Variants in STX8 observed in about 807,000 individuals in gnomAD.
STX8 encodes the protein syntaxin 8.
In STX8, 23 loss-of-function variants were observed where a neutral mutation model predicts 37.5. That is an observed-to-expected ratio of 0.61 (90% CI 0.44 to 0.87). The LOEUF is 0.87. Among genes scored for constraint, STX8 ranks in the 40% least tolerant of loss-of-function variants. The pLI is 0.00. For missense variants in STX8, 313 were observed against 284.7 expected (o/e 1.10, Z -0.71); for synonymous variants, 115 against 99.1 (o/e 1.16, Z -0.95).
At chr17:9,277,064 C>T (rs758088418) in intron 7 of STX8, among the ~76,000 whole-genome samples, 5 of 152,120 alleles carry the variant, frequency 3.3e-5, no homozygotes, top group Admixed American at 6.5e-5. Context: ...CCTCCTGCCT[C>T]AGCCTCTGGA....
chr17:9,348,766 C>T (rs17741540), intron 7 of STX8, among the ~76,000 whole-genome samples: 15,397 of 152,180 alleles, frequency 0.1, 837 homozygotes, highest in Middle Eastern at 0.18. Context: ...CTCAAGTTCA[C>T]GAAGTTTTCC....
chr17:9,338,048 AT>A lies in STX8; in HGVS notation c.643+40503del, dbSNP rs972471091. ...GAGGGCTTTGGGGCACCTCTGAAGGATTTTTTTTTTTTTTTTTTTTTTGAGA... is the reference window on the plus strand; with the variant it reads ...GAGGGCTTTGGGGCACCTCTGAAGGATTTTTTTTTTTTTTTTTTTTTGAGA... On this transcript the variant is annotated intron_variant, in intron 7 of 7. Transcript: ENST00000306357. Among the ~76,000 whole-genome samples, 420 of 107,874 alleles carry A rather than the reference AT, an allele frequency of 3.9e-3. 1 individual carries two copies. Among genetic ancestry groups the A allele is most frequent in the East Asian group, 0.017 (61 of 3,506 alleles). The allele number at this position is 107,874 out of a possible 152,430, so 70.8% of individuals were successfully genotyped here.
rs369614117 is a variant in STX8 at position 9,415,898 on chromosome 17, C to T, written c.542-37245G>A. Among the ~76,000 whole-genome samples the T allele has an allele frequency of 1.3e-3, 201 of 152,330 alleles. 2 individuals are homozygous for T. Among genetic ancestry groups the T allele is most frequent in the African/African-American group, 4.6e-3 (193 of 41,574 alleles). On this transcript the variant is annotated intron_variant, in intron 6 of 7. Coordinates refer to ENST00000306357, the MANE Select transcript of STX8 (RefSeq NM_004853.3). The stretch of plus-strand genomic sequence containing the variant: ...ACAAATCCCAAAATAACATACTAAC[C>T]CATTTCCAGCTTCTATGCTGGCATC...
At chr17:9,317,269 A>T (rs1333180451) in intron 7 of STX8, among the ~76,000 whole-genome samples, 2 of 152,194 alleles carry the variant, frequency 1.3e-5, no homozygotes, top group African/African-American at 4.8e-5. Context: ...AGGAAGTAGT[A>T]CGGCCTAGAA....
intron 6 of STX8, among the ~76,000 whole-genome samples, chr17:9,403,110 T>C (rs9894384): frequency 0.012 from 1,807 of 152,032 alleles, 41 homozygotes; most frequent in African/African-American, 0.041. Flanking sequence ...TCCATAAGAG[T>C]CTGTCCAGAC....
chr17:9,367,497 C>A (rs1911265089), intron 7 of STX8, among the ~76,000 whole-genome samples: 1 of 152,130 alleles, frequency 6.6e-6, no homozygotes, highest in Non-Finnish European at 1.5e-5. Flanking sequence ...CCAGAGTCTG[C>A]CTCTGATTCT....
intron 6 of STX8, among the ~76,000 whole-genome samples, chr17:9,455,291 A>G (rs1390719296): frequency 6.6e-6 from 1 of 152,066 alleles, no homozygotes; most frequent in Non-Finnish European, 1.5e-5. Context: ...TGAGGTCAGG[A>G]GATTGAAACC....
chr17:9,519,731 TG>T, intron 4 of STX8, among the ~76,000 whole-genome samples: 1 of 133,004 alleles, frequency 7.5e-6, no homozygotes, highest in Non-Finnish European at 1.6e-5. Flanking sequence ...CCCTCCAGAC[TG>T]CTCCCCACCG....
chr17:9,527,710 C>A (rs1268275586), intron 4 of STX8, among the ~76,000 whole-genome samples: 1 of 152,102 alleles, frequency 6.6e-6, no homozygotes, highest in African/African-American at 2.4e-5. Flanking sequence ...AAAACAAAAT[C>A]CATCAAGTTC....
intron 6 of STX8, among the ~76,000 whole-genome samples, chr17:9,408,190 T>TA (rs1353234039): frequency 3.9e-5 from 6 of 152,188 alleles, no homozygotes; most frequent in Middle Eastern, 3.4e-3. Context: ...TTGGGCAAGA[T>TA]AAAAAAATCA....
At chr17:9,268,571 A>T (rs905429079) in intron 7 of STX8, among the ~76,000 whole-genome samples, 1 of 152,106 alleles carries the variant, frequency 6.6e-6, no homozygotes, top group Admixed American at 6.5e-5. Flanking sequence ...CACCCTAAAG[A>T]CGTCCTCCTG....
intron 6 of STX8, among the ~76,000 whole-genome samples, chr17:9,426,333 C>A (rs1913628081): frequency 6.6e-6 from 1 of 152,062 alleles, no homozygotes; most frequent in African/African-American, 2.4e-5. Context: ...TTGAGACCAG[C>A]CTGGCCAACA....
intron 6 of STX8, among the ~76,000 whole-genome samples, chr17:9,466,863 T>C (rs1483334695): frequency 6.6e-6 from 1 of 152,150 alleles, no homozygotes. Context: ...GCGTTTACTA[T>C]ACACTAGGTG....
chr17:9,427,372 C>A (rs552192623), intron 6 of STX8, among the ~76,000 whole-genome samples: 30 of 152,204 alleles, frequency 2.0e-4, no homozygotes, highest in Non-Finnish European at 4.1e-4. Flanking sequence ...AGGCAGTCAC[C>A]TGGGCATCCT....
rs201364333 is a variant in STX8 at position 9,342,962 on chromosome 17, A to G, written c.643+35590T>C. ...CCTGAACCCGGGAGGCGGAGGTTGC[A>G]GTGAGCCAAGATTGTGCCATTGCAC... is the stretch of plus-strand genomic sequence containing the variant. On this transcript the variant is annotated intron_variant, in intron 7 of 7. Transcript: ENST00000306357. 1.1e-4 allele frequency among the ~76,000 whole-genome samples: 16 copies of G among 148,812 alleles called. No individual in the cohort carries two copies. In the East Asian group the frequency reaches 3.2e-3, roughly 30 times the overall value.
chr17:9,428,487 GC>G (rs1913723445), intron 6 of STX8, among the ~76,000 whole-genome samples: 1 of 152,128 alleles, frequency 6.6e-6, no homozygotes, highest in African/African-American at 2.4e-5. Context: ...TGATCCACCC[GC>G]CTTGGCCTCC....
At chr17:9,496,619 A>C (rs1348611478) in intron 5 of STX8, among the ~76,000 whole-genome samples, 1 of 152,214 alleles carries the variant, frequency 6.6e-6, no homozygotes, top group African/African-American at 2.4e-5. Context: ...GAAACTATGA[A>C]TATGTTCCCT....
intron 4 of STX8, among the ~76,000 whole-genome samples, chr17:9,529,551 C>A (rs1223588531): frequency 2.0e-5 from 3 of 152,128 alleles, no homozygotes; most frequent in African/African-American, 4.8e-5. Flanking sequence ...ACCCCAGGAG[C>A]CCTGTCATAT....
At chr17:9,477,675 C>T (rs905691529) in intron 6 of STX8, among the ~76,000 whole-genome samples, 4 of 152,198 alleles carry the variant, frequency 2.6e-5, no homozygotes, top group Middle Eastern at 3.4e-3. Flanking sequence ...AAGGGGGCTT[C>T]GGTTGAAAAC....
Sources: allele counts gnomAD v4.1 joint callset (sites outside exome capture counted in the v4.1 genomes callset), GRCh38; gene constraint gnomAD v4.1.1; transcripts MANE v1.5; gene names NCBI Gene and HGNC (gene_info 2026-07-23, HGNC 2026-07-21).